SNTG1: variants seen among roughly 807,000 people sequenced by gnomAD.
SNTG1 encodes syntrophin gamma 1.
SNTG1 carries 39 observed loss-of-function variants against 74.7 expected under a neutral mutation model. That is an observed-to-expected ratio of 0.52 (90% confidence interval 0.40 to 0.68). SNTG1 has a LOEUF of 0.68. Among genes scored for constraint, SNTG1 ranks in the 30% least tolerant of loss-of-function variants. The pLI, the probability that SNTG1 is intolerant of heterozygous loss-of-function variation, is 0.00. For missense variants in SNTG1, 685 were observed against 609.5 expected (o/e 1.12, Z -1.30); for synonymous variants, 254 against 217.1 (o/e 1.17, Z -1.49).
chr8:50,537,442 T>A (rs573541396), intron 11 of SNTG1, among the ~76,000 whole-genome samples: 1 of 152,266 alleles, frequency 6.6e-6, no homozygotes, highest in African/African-American at 2.4e-5. Flanking sequence ...AATATTCTTA[T>A]ATTATTATCT....
At chr8:50,672,350 T>C (rs916602381) in intron 15 of SNTG1, among the ~76,000 whole-genome samples, 1 of 152,152 alleles carries the variant, frequency 6.6e-6, no homozygotes, top group African/African-American at 2.4e-5. Context: ...CCATCTATTG[T>C]TTCTTAACTT....
intron 17 of SNTG1, among the ~76,000 whole-genome samples, chr8:50,733,757 G>A (rs941535839): frequency 3.3e-5 from 5 of 151,774 alleles, no homozygotes; most frequent in Admixed American, 2.6e-4. Context: ...CGTGTCCTTC[G>A]TCTATTTTTT....
chr8:50,124,948 A>G (rs1297269495), intron 1 of SNTG1, among the ~76,000 whole-genome samples: 1 of 141,798 alleles, frequency 7.1e-6, no homozygotes, highest in African/African-American at 2.5e-5. Flanking sequence ...CACTGAACAT[A>G]TGTTATCTTA....
chr8:50,027,067 T>A (rs980620957), intron 1 of SNTG1, among the ~76,000 whole-genome samples: 2 of 152,152 alleles, frequency 1.3e-5, no homozygotes, highest in Non-Finnish European at 2.9e-5. Context: ...TTTGAGTACA[T>A]CCTACACACC....
intron 9 of SNTG1, among the ~76,000 whole-genome samples, chr8:50,512,056 G>T (rs183457612): frequency 0.024 from 3,704 of 152,126 alleles, 141 homozygotes; most frequent in African/African-American, 0.081. Flanking sequence ...GCTGGTACTG[G>T]TTTTTCCTTT....
intron 1 of SNTG1, among the ~76,000 whole-genome samples, chr8:50,101,264 T>A (rs1246387008): frequency 3.9e-5 from 6 of 152,096 alleles, no homozygotes; most frequent in Non-Finnish European, 8.8e-5. Flanking sequence ...GTTTTTATGG[T>A]AGAAAATTAA....
intron 10 of SNTG1, among the ~76,000 whole-genome samples, chr8:50,531,335 T>G (rs2094265708): frequency 6.6e-6 from 1 of 152,080 alleles, no homozygotes; most frequent in African/African-American, 2.4e-5. Context: ...AAACTTTTTT[T>G]TTTTTTGCCA....
chr8:50,131,692 G>A (rs1215180298), intron 1 of SNTG1, among the ~76,000 whole-genome samples: 1 of 151,988 alleles, frequency 6.6e-6, no homozygotes, highest in Non-Finnish European at 1.5e-5. Flanking sequence ...TTATTTTGTG[G>A]ATATATACTC....
At chr8:50,541,784 G>A (rs1460547070) in intron 11 of SNTG1, among the ~76,000 whole-genome samples, 2 of 151,636 alleles carry the variant, frequency 1.3e-5, no homozygotes, top group African/African-American at 4.8e-5. Flanking sequence ...CTATATATTT[G>A]TGTTCATCAA....
At chr8:50,235,425 T>C (rs570641069) in intron 2 of SNTG1, among the ~76,000 whole-genome samples, 1 of 152,306 alleles carries the variant, frequency 6.6e-6, no homozygotes, top group Non-Finnish European at 1.5e-5. Context: ...ATTCTGTATA[T>C]ATCCTGCAAA....
intron 1 of SNTG1, among the ~76,000 whole-genome samples, chr8:50,106,174 G>C (rs1300396023): frequency 6.6e-6 from 1 of 152,100 alleles, no homozygotes; most frequent in Non-Finnish European, 1.5e-5. Context: ...AAGCATGAAT[G>C]GGAGGCCTAA....
At chr8:50,137,679 G>A (rs1006508281) in intron 1 of SNTG1, among the ~76,000 whole-genome samples, 4 of 152,156 alleles carry the variant, frequency 2.6e-5, no homozygotes, top group African/African-American at 9.6e-5. Flanking sequence ...ACCTGGCAAG[G>A]GCATGAGGAA....
intron 1 of SNTG1, among the ~76,000 whole-genome samples, chr8:49,919,360 GAACACAAAT>G (rs759890765): frequency 1.2e-4 from 18 of 152,026 alleles, no homozygotes; most frequent in Non-Finnish European, 2.6e-4. Flanking sequence ...CCTCTTCCCA[GAACACAAAT>G]GACTAGCATA....
chr8:50,718,394 A>G (rs553675095), intron 17 of SNTG1, among the ~76,000 whole-genome samples: 1 of 152,256 alleles, frequency 6.6e-6, no homozygotes, highest in African/African-American at 2.4e-5. Context: ...CATGTAACGC[A>G]TAATGACTAT....
intron 1 of SNTG1, among the ~76,000 whole-genome samples, chr8:50,171,259 T>C (rs1214388325): frequency 4.0e-5 from 6 of 151,546 alleles, no homozygotes; most frequent in Admixed American, 4.0e-4. Context: ...ATAATGGGAG[T>C]TTATTAAGTA....
At chr8:50,277,592 A>G (rs1034254511) in intron 2 of SNTG1, among the ~76,000 whole-genome samples, 2 of 152,162 alleles carry the variant, frequency 1.3e-5, no homozygotes, top group African/African-American at 4.8e-5. Context: ...ACATTAAACA[A>G]TTGTGTGATA....
At chr8:50,040,045 A>T (rs956959934) in intron 1 of SNTG1, among the ~76,000 whole-genome samples, 1 of 152,162 alleles carries the variant, frequency 6.6e-6, no homozygotes, top group Non-Finnish European at 1.5e-5. Context: ...GAGAACTAAG[A>T]TGAGTCATGT....
At position 50,562,150 on chromosome 8, in the gene SNTG1, A is replaced by T. The variant is rs763710927; in HGVS notation, c.810+8971A>T. Among the ~76,000 whole-genome samples the T allele has an allele frequency of 8.5e-5, 13 of 152,350 alleles. No individual in the cohort carries two copies. In the South Asian group the frequency reaches 1.2e-3, roughly 15 times the overall value. Reference sequence around the variant, plus strand: ...TGACATTTTATCTTGGTTTCATCTTATAAGATTTAACTCTACCCATCTGTG... The same window carrying T: ...TGACATTTTATCTTGGTTTCATCTTTTAAGATTTAACTCTACCCATCTGTG... On this transcript the variant is annotated intron_variant, in intron 12 of 18. Coordinates refer to ENST00000642720, the MANE Select transcript of SNTG1 (RefSeq NM_018967.5).
chr8:50,256,606 G>GA (rs927398971), intron 2 of SNTG1, among the ~76,000 whole-genome samples: 63 of 151,434 alleles, frequency 4.2e-4, no homozygotes, highest in African/African-American at 1.2e-3. Context: ...CATTGTTTTG[G>GA]AAAAAAAATT....
Sources: allele counts gnomAD v4.1 joint callset (sites outside exome capture counted in the v4.1 genomes callset), GRCh38; gene constraint gnomAD v4.1.1; transcripts MANE v1.5; gene names NCBI Gene and HGNC (gene_info 2026-07-23, HGNC 2026-07-21).